TPM3: variants seen among roughly 807,000 people sequenced by gnomAD.
TPM3 encodes tropomyosin 3.
TPM3 carries 16 observed loss-of-function variants against 43.1 expected under a neutral mutation model. The ratio of observed to expected loss-of-function variants is 0.37; its 90% CI spans 0.25 to 0.56. The LOEUF (loss-of-function observed/expected upper bound fraction) is 0.56, where lower values mean the gene tolerates loss of function less well. TPM3 is among the 20% of genes least tolerant of loss of function. The pLI is 0.77. For missense variants in TPM3, 176 were observed against 337.2 expected, an observed-to-expected ratio of 0.52 and a Z score of 3.74; for synonymous variants, 101 against 116.9, an observed-to-expected ratio of 0.86 and a Z score of 0.88.
chr1:154,173,033 T>C, intron 4 of TPM3, 51 bp downstream of exon 4: 1 of 1,613,762 alleles, frequency 6.2e-7, no homozygotes, highest in South Asian at 1.1e-5. Flanking sequence ...ATTTACCGCA[T>C]TATGCTTTGT....
intron 2 of TPM3, among the ~76,000 whole-genome samples, chr1:154,180,703 T>G (rs1662843941): frequency 6.6e-6 from 1 of 151,338 alleles, no homozygotes; most frequent in South Asian, 2.1e-4. Context: ...AGGTCAGGAG[T>G]TTGAAACCAG....
chr1:154,164,338 T>G lies in TPM3; in HGVS notation c.*3599A>C, dbSNP rs1322807716. 6.6e-6 allele frequency among the ~76,000 whole-genome samples: 1 copy of G among 152,130 alleles called. No homozygotes were observed. The highest frequency in any genetic ancestry group is 1.5e-5 in the Non-Finnish European group (1 of 68,032). ...CACCATGTTTGGCTAAGTTTTTATA[T>G]TTTGTAGAGACAGGTTCTCACTTTA... On this transcript the variant is annotated 3_prime_UTR_variant, in exon 10 of 10. Transcript: ENST00000651641.
chr1:154,159,550 C>T (rs1349836771), downstream of TPM3, among the ~76,000 whole-genome samples: 13 of 152,196 alleles, frequency 8.5e-5, no homozygotes, highest in Admixed American at 6.5e-4. Flanking sequence ...CTTTGTGTTA[C>T]AGATATTGTG....
At chr1:154,175,980 A>G (rs1040458422) in intron 3 of TPM3, 135 bp downstream of exon 3, 425 of 1,465,528 alleles carry the variant, frequency 2.9e-4, no homozygotes, top group Non-Finnish European at 3.8e-4. Context: ...TCAGCGTCCC[A>G]AAGTGCTGGG....
rs1394080614 is a variant in TPM3, at chr1:154,177,138, T to C, written c.244-890A>G. ...CCTTCCAGACTGGAAAGCAAAAGAATGGAATATTGTTGGGATGCCTACTCA... is the reference window on the plus strand; with the variant it reads ...CCTTCCAGACTGGAAAGCAAAAGAACGGAATATTGTTGGGATGCCTACTCA... On this transcript the variant is annotated intron_variant, in intron 2 of 9. Transcript: ENST00000651641. 2.6e-5 allele frequency among the ~76,000 whole-genome samples: 4 copies of C among 152,242 alleles called. No homozygotes were observed. In the Middle Eastern group the frequency reaches 0.01, roughly 391 times the overall value.
At chr1:154,169,972 T>C in intron 8 of TPM3, 2 of 276,650 alleles carry the variant, frequency 7.2e-6, no homozygotes, top group Non-Finnish European at 1.4e-5. Context: ...TCAGATATGG[T>C]TATTCCACAA....
chr1:154,176,935 C>G (rs956555722), intron 2 of TPM3, among the ~76,000 whole-genome samples: 1 of 148,616 alleles, frequency 6.7e-6, no homozygotes, highest in Non-Finnish European at 1.5e-5. Flanking sequence ...GCTGAGATTG[C>G]GCCACTACAC....
intron 2 of TPM3, among the ~76,000 whole-genome samples, chr1:154,189,997 A>G (rs1451674183): frequency 6.6e-6 from 1 of 152,070 alleles, no homozygotes; most frequent in Non-Finnish European, 1.5e-5. Context: ...GCTAGAGTGC[A>G]GTGGTACGAT....
chr1:154,174,619 T>A (rs1353008654), intron 3 of TPM3, among the ~76,000 whole-genome samples: 2 of 149,648 alleles, frequency 1.3e-5, no homozygotes, highest in Admixed American at 6.7e-5. Context: ...CTTAGCCTCC[T>A]GAGTAGCTGG....
chr1:154,178,325 G>C, intron 2 of TPM3: 1 of 312,720 alleles, frequency 3.2e-6, no homozygotes, highest in Non-Finnish European at 4.7e-6. Context: ...AAAGGGAGAG[G>C]GGGAAAACAC....
downstream of TPM3, among the ~76,000 whole-genome samples, chr1:154,161,076 T>A (rs974059433): frequency 2.8e-5 from 4 of 141,106 alleles, no homozygotes; most frequent in South Asian, 6.5e-4. Flanking sequence ...ATGCCTGGTA[T>A]AAATTTCTGA....
rs1010785904 is a variant in TPM3 at position 154,162,376 on chromosome 1, A to C, written c.*5561T>G. Among the ~76,000 whole-genome samples the C allele has an allele frequency of 2.0e-4, 30 of 151,532 alleles. 1 individual carries two copies. The highest frequency in any genetic ancestry group is 6.3e-4 in the African/African-American group (26 of 41,250). ...CAAGACTCCGTCTCAAAAAAAAAAA[A>C]AAAAAAAAACACAAACCAACCCCAT... On this transcript the variant is annotated 3_prime_UTR_variant, in exon 10 of 10. Coordinates refer to ENST00000651641, the MANE Select transcript of TPM3 (RefSeq NM_152263.4).
At chr1:154,176,000 G>A (rs1258234378) in intron 3 of TPM3, 115 bp downstream of exon 3, 31 of 1,544,938 alleles carry the variant, frequency 2.0e-5, no homozygotes, top group African/African-American at 4.1e-5. Flanking sequence ...GATTACAGGC[G>A]TGAGCCATCA....
intron 8 of TPM3, 37 bp from the exon 9 acceptor site, chr1:154,169,420 G>T: frequency 6.2e-7 from 1 of 1,605,516 alleles, no homozygotes; most frequent in Non-Finnish European, 8.5e-7. Context: ...GGAATGAGGG[G>T]ACAGAGTGAA....
chr1:154,179,533 C>CT (rs551997569), intron 2 of TPM3, among the ~76,000 whole-genome samples: 17 of 150,318 alleles, frequency 1.1e-4, no homozygotes, highest in South Asian at 2.1e-4. Flanking sequence ...TTTGTTATTA[C>CT]TTTTTTTTTT....
downstream of TPM3, among the ~76,000 whole-genome samples, chr1:154,159,911 G>T (rs1660172805): frequency 6.6e-6 from 1 of 150,516 alleles, no homozygotes; most frequent in African/African-American, 2.5e-5. Flanking sequence ...AGCTACAACA[G>T]GCCACAGTTG....
chr1:154,177,088 G>T (rs372623290), intron 2 of TPM3, among the ~76,000 whole-genome samples: 2 of 151,668 alleles, frequency 1.3e-5, no homozygotes, highest in South Asian at 4.2e-4. Flanking sequence ...AGAATAACTA[G>T]CCAAGGGAAT....
At position 154,167,304 on chromosome 1, in the gene TPM3, G is replaced by A. The variant is rs1292935141; in HGVS notation, c.*633C>T. ...GAGTTGACATAATTAGTCAATCTTAGCAATAATGTATTGGGTTCACTGGGT... is the reference window on the plus strand; with the variant it reads ...GAGTTGACATAATTAGTCAATCTTAACAATAATGTATTGGGTTCACTGGGT... On this transcript the variant is annotated 3_prime_UTR_variant, in exon 10 of 10. Coordinates refer to ENST00000651641, the MANE Select transcript of TPM3 (RefSeq NM_152263.4). 2 of 984,970 alleles carry A rather than the reference G, an allele frequency of 2.0e-6. No homozygotes were observed. The highest frequency in any genetic ancestry group is 4.7e-5 in the South Asian group (1 of 21,278). The allele number at this position is 984,970 out of a possible 1,614,324, so 61.0% of individuals were successfully genotyped here. A position where few individuals can be genotyped will look rare whatever the true frequency, so the allele number is the denominator to read the frequency against.
chr1:154,178,286 AT>A, intron 2 of TPM3: 1 of 663,004 alleles, frequency 1.5e-6, no homozygotes, highest in Non-Finnish European at 1.9e-6. Context: ...ACAAATCAGC[AT>A]TTACAATAGA....
Sources: gnomAD v4.1 joint callset for allele counts (sites outside exome capture counted in the v4.1 genomes callset) on GRCh38, gnomAD v4.1.1 for gene constraint, MANE v1.5 for transcripts, NCBI Gene and HGNC (gene_info 2026-07-23, HGNC 2026-07-21) for gene names.